ADGRV1: variants seen among roughly 807,000 people sequenced by gnomAD.
ADGRV1 encodes G-protein coupled receptor 98.
In ADGRV1, 359 loss-of-function variants were observed where a neutral mutation model predicts 596.2. The observed-to-expected ratio is 0.60, with a 90% CI of 0.55 to 0.66. The LOEUF is 0.66. Ranked by LOEUF, ADGRV1 falls within the 30% of genes least tolerant of loss-of-function variation. The pLI is 0.00. For missense variants in ADGRV1, 7,274 were observed against 7,575.6 expected, an observed-to-expected ratio of 0.96 and a Z score of 1.48; for synonymous variants, 2,681 against 2,679.2, an observed-to-expected ratio of 1.00 and a Z score of -0.02.
intron 85 of ADGRV1, among the ~76,000 whole-genome samples, chr5:91,042,969 T>A (rs7736334): frequency 3.3e-5 from 5 of 152,016 alleles, no homozygotes; most frequent in African/African-American, 9.7e-5. Context: ...ACAAGCTATA[T>A]TTCGAGCCAG....
In ADGRV1 at chr5:90,715,664, T is replaced by A. The variant is rs1750002458; in HGVS notation, c.9185-803T>A. On this transcript the variant is annotated intron_variant, in intron 42 of 89. Coordinates refer to ENST00000405460, the MANE Select transcript of ADGRV1 (RefSeq NM_032119.4). ...AATAAGGTCTACTTTTCTTTTTTTT[T>A]TTTAAATAGCTGATCTTTAGAGATA... is the stretch of plus-strand genomic sequence containing the variant. Among the ~76,000 whole-genome samples, 4 of 152,220 alleles carry A rather than the reference T, an allele frequency of 2.6e-5. 1 individual carries two copies. In the South Asian group the frequency reaches 8.3e-4, roughly 32 times the overall value.
chr5:91,029,636 C>CTCTT (rs1784318661), intron 85 of ADGRV1, among the ~76,000 whole-genome samples: 1 of 152,132 alleles, frequency 6.6e-6, no homozygotes, highest in Non-Finnish European at 1.5e-5. Context: ...TGGTGTCTTG[C>CTCTT]TCTTTCAAAT....
chr5:90,877,092 A>G (rs1769286183), intron 83 of ADGRV1, among the ~76,000 whole-genome samples: 2 of 152,194 alleles, frequency 1.3e-5, no homozygotes, highest in African/African-American at 4.8e-5. Flanking sequence ...TGGAGTCAGG[A>G]AAATCTTATA....
intron 83 of ADGRV1, among the ~76,000 whole-genome samples, chr5:90,908,503 G>A (rs1772533300): frequency 6.6e-6 from 1 of 152,048 alleles, no homozygotes; most frequent in African/African-American, 2.4e-5. Flanking sequence ...ATGACCACTT[G>A]CCAATATTTC....
Position 90,814,967 on chromosome 5 carries a change from C to G in ADGRV1, c.16079-652C>G, listed in dbSNP as rs188271055. ...GTGATGATTTCTGTATAGTATGAAC[C>G]CTAGTTTTGTTCCAGTTTAAACATT... On this transcript the variant is annotated intron_variant, in intron 74 of 89. Coordinates refer to ENST00000405460, the MANE Select transcript of ADGRV1 (RefSeq NM_032119.4). Among the ~76,000 whole-genome samples, 7 of 128,748 alleles carry G rather than the reference C, an allele frequency of 5.4e-5. No homozygotes were observed. The East Asian group carries it at 1.2e-3, about 23-fold the overall frequency. The allele number at this position is 128,748 out of a possible 152,430, so 84.5% of individuals were successfully genotyped here.
chr5:90,808,516 T>C (rs565052005), intron 73 of ADGRV1, among the ~76,000 whole-genome samples: 1 of 152,240 alleles, frequency 6.6e-6, no homozygotes, highest in Non-Finnish European at 1.5e-5. Flanking sequence ...ATTATACATA[T>C]GCCATTTTTA....
chr5:91,043,013 C>G (rs1785499775), intron 85 of ADGRV1, among the ~76,000 whole-genome samples: 1 of 152,042 alleles, frequency 6.6e-6, no homozygotes. Context: ...AATGTTTGCT[C>G]AGCAACAGTC....
intron 1 of ADGRV1, among the ~76,000 whole-genome samples, chr5:90,609,134 A>G (rs1370101619): frequency 6.6e-6 from 1 of 152,194 alleles, no homozygotes; most frequent in African/African-American, 2.4e-5. Flanking sequence ...TTCTGTATAT[A>G]TGTACACACA....
chr5:90,565,385 A>G (rs569515366), intron 1 of ADGRV1, among the ~76,000 whole-genome samples: 24 of 152,264 alleles, frequency 1.6e-4, no homozygotes, highest in South Asian at 6.2e-4. Context: ...TCTATTTTCT[A>G]TCTCTATAGA....
chr5:90,859,555 C>T (rs1214762509), intron 82 of ADGRV1, among the ~76,000 whole-genome samples: 1 of 152,008 alleles, frequency 6.6e-6, no homozygotes, highest in Non-Finnish European at 1.5e-5. Flanking sequence ...GCCTCAGCCT[C>T]CTGGGTAGCT....
intron 72 of ADGRV1, among the ~76,000 whole-genome samples, chr5:90,805,751 A>G (rs1761844071): frequency 6.6e-6 from 1 of 152,212 alleles, no homozygotes; most frequent in Non-Finnish European, 1.5e-5. Flanking sequence ...CTAATTTGGC[A>G]AATACAGTAA....
intron 87 of ADGRV1, among the ~76,000 whole-genome samples, chr5:91,140,034 T>A (rs1056243640): frequency 6.6e-6 from 1 of 152,202 alleles, no homozygotes; most frequent in Non-Finnish European, 1.5e-5. Context: ...AGCACTCAGC[T>A]TTTTTTCTCT....
chr5:90,807,996 T>G (rs1762070377), intron 73 of ADGRV1, among the ~76,000 whole-genome samples: 1 of 152,164 alleles, frequency 6.6e-6, no homozygotes. Flanking sequence ...CTAAGAGCCA[T>G]GATGGCAGTT....
chr5:90,960,405 G>A (rs563322678), intron 83 of ADGRV1, among the ~76,000 whole-genome samples: 90 of 152,162 alleles, frequency 5.9e-4, no homozygotes, highest in African/African-American at 2.0e-3. Context: ...ATAGAATTCC[G>A]TACAGGATGC....
At chr5:90,994,203 C>G (rs1230797158) in intron 85 of ADGRV1, among the ~76,000 whole-genome samples, 3 of 151,980 alleles carry the variant, frequency 2.0e-5, no homozygotes, top group Admixed American at 6.6e-5. Context: ...GCTGGGATTA[C>G]AGGCACCCAC....
intron 2 of ADGRV1, among the ~76,000 whole-genome samples, chr5:90,615,719 C>T (rs529852796): frequency 4.0e-5 from 6 of 151,830 alleles, no homozygotes; most frequent in Admixed American, 6.6e-5. Context: ...GACCTATGAA[C>T]GAATCCAGTG....
At chr5:90,993,179 G>A (rs1328983572) in intron 85 of ADGRV1, among the ~76,000 whole-genome samples, 1 of 26,862 alleles carries the variant, frequency 3.7e-5, no homozygotes, top group African/African-American at 1.9e-4. Flanking sequence ...TTTTTTTTTT[G>A]ACGGAGGCTT....
intron 21 of ADGRV1, among the ~76,000 whole-genome samples, chr5:90,668,559 AT>A (rs1457612107): frequency 1.4e-5 from 2 of 146,208 alleles, no homozygotes; most frequent in Non-Finnish European, 3.1e-5. Flanking sequence ...AAATGCAGAA[AT>A]CACCCGTCTT....
At chr5:91,005,362 G>C (rs1323185307) in intron 85 of ADGRV1, among the ~76,000 whole-genome samples, 1 of 146,956 alleles carries the variant, frequency 6.8e-6, no homozygotes, top group Non-Finnish European at 1.5e-5. Context: ...TGCTATTGCT[G>C]TGTATATATA....
Sources: allele counts gnomAD v4.1 joint callset (sites outside exome capture counted in the v4.1 genomes callset), GRCh38; gene constraint gnomAD v4.1.1; transcripts MANE v1.5; gene names NCBI Gene and HGNC (gene_info 2026-07-23, HGNC 2026-07-21).